Variants in ATP8B4 observed in about 807,000 individuals in gnomAD.
The protein encoded by ATP8B4 is probable phospholipid-transporting ATPase IM.
Under a neutral mutation model 145.6 loss-of-function variants are expected in ATP8B4, and 133 were observed. The observed-to-expected ratio is 0.91, with a 90% confidence interval of 0.79 to 1.05. The LOEUF is 1.05. ATP8B4 is among the 50% of genes least tolerant of loss of function. The pLI is 0.00. For missense variants in ATP8B4, 1,458 were observed against 1,425.2 expected (o/e 1.02, Z -0.37); for synonymous variants, 507 against 492.9 (o/e 1.03, Z -0.38).
intron 14 of ATP8B4, among the ~76,000 whole-genome samples, chr15:49,943,773 A>G (rs2042350943): frequency 1.3e-5 from 2 of 152,242 alleles, no homozygotes; most frequent in Admixed American, 6.5e-5. Context: ...ATAGCGTGAA[A>G]AAATATGAAA....
At chr15:49,994,425 CTATT>C (rs2047264253) in intron 9 of ATP8B4, among the ~76,000 whole-genome samples, 2 of 152,182 alleles carry the variant, frequency 1.3e-5, no homozygotes, top group South Asian at 4.2e-4. Flanking sequence ...GGATTTGTAA[CTATT>C]TATTTATTCA....
Position 50,087,015 on chromosome 15 carries a change from A to AT in ATP8B4, c.29-12831dup, listed in dbSNP as rs571317032. The stretch of plus-strand genomic sequence containing the variant: ...ATAATAAAATAATATAGAGATCTAT[A>AT]TTATTATATATAATAAAATAATATA... On this transcript the variant is annotated intron_variant, in intron 2 of 27. Coordinates refer to ENST00000284509, the MANE Select transcript of ATP8B4 (RefSeq NM_024837.4). 2.3e-3 allele frequency among the ~76,000 whole-genome samples: 214 copies of AT among 91,932 alleles called. 4 individuals carry two copies. The highest frequency in any genetic ancestry group is 0.028 in the Middle Eastern group (2 of 72). The allele number at this position is 91,932 out of a possible 152,430, so 60.3% of individuals were successfully genotyped here.
At chr15:50,086,908 AT>A (rs1195095097) in intron 2 of ATP8B4, among the ~76,000 whole-genome samples, 3 of 59,068 alleles carry the variant, frequency 5.1e-5, no homozygotes, top group Non-Finnish European at 9.5e-5. Flanking sequence ...AGAGATCTAT[AT>A]TATTATATAT....
At chr15:49,945,970 A>G (rs1386480540) in intron 14 of ATP8B4, among the ~76,000 whole-genome samples, 1 of 152,212 alleles carries the variant, frequency 6.6e-6, no homozygotes, top group African/African-American at 2.4e-5. Flanking sequence ...CATCACTTCT[A>G]CTAGATGTAA....
At chr15:49,943,212 C>A (rs141673069) in intron 14 of ATP8B4, among the ~76,000 whole-genome samples, 1 of 151,942 alleles carries the variant, frequency 6.6e-6, no homozygotes, top group Non-Finnish European at 1.5e-5. Context: ...GTGAAAAAAT[C>A]TTTATGGACT....
chr15:49,963,458 A>C (rs2044261583), intron 13 of ATP8B4, among the ~76,000 whole-genome samples: 1 of 152,224 alleles, frequency 6.6e-6, no homozygotes, highest in African/African-American at 2.4e-5. Context: ...AGATACACAC[A>C]CATACGTTCA....
intron 21 of ATP8B4, among the ~76,000 whole-genome samples, chr15:49,899,575 T>C (rs2037795292): frequency 6.6e-6 from 1 of 152,176 alleles, no homozygotes; most frequent in African/African-American, 2.4e-5. Flanking sequence ...TTTCAAATAT[T>C]ACCACTCTTT....
At chr15:50,040,309 C>T (rs2899447) in intron 5 of ATP8B4, among the ~76,000 whole-genome samples, 10,027 of 152,302 alleles carry the variant, frequency 0.066, 503 homozygotes, top group African/African-American at 0.14. Context: ...AAACAGGCCT[C>T]AACTACGTCT....
chr15:49,891,732 C>G (rs2036825882), intron 23 of ATP8B4, among the ~76,000 whole-genome samples: 1 of 152,154 alleles, frequency 6.6e-6, no homozygotes, highest in Non-Finnish European at 1.5e-5. Flanking sequence ...TTTGTTTTCT[C>G]TTCCCAAGAT....
intron 1 of ATP8B4, among the ~76,000 whole-genome samples, chr15:50,116,301 C>G (rs2057158589): frequency 6.6e-6 from 1 of 151,932 alleles, no homozygotes; most frequent in Non-Finnish European, 1.5e-5. Context: ...GGATGCAGAA[C>G]AAGGAGGAAT....
chr15:50,054,345 C>T (rs181627741), intron 3 of ATP8B4, among the ~76,000 whole-genome samples: 39 of 152,306 alleles, frequency 2.6e-4, no homozygotes, highest in African/African-American at 9.4e-4. Context: ...CAAATGCTCA[C>T]AACTTACTGG....
chr15:50,054,244 G>A (rs1340429975), intron 3 of ATP8B4, among the ~76,000 whole-genome samples: 16 of 152,176 alleles, frequency 1.1e-4, no homozygotes, highest in South Asian at 4.1e-4. Flanking sequence ...TACTCATAAC[G>A]GAGCACCCAC....
intron 2 of ATP8B4, among the ~76,000 whole-genome samples, chr15:50,090,650 T>C (rs1600318614): frequency 6.6e-6 from 1 of 152,222 alleles, no homozygotes; most frequent in East Asian, 1.9e-4. Context: ...GTTTCGTTTT[T>C]AAAAAAGTGA....
intron 2 of ATP8B4, among the ~76,000 whole-genome samples, chr15:50,081,100 G>A (rs375226775): frequency 7.1e-6 from 1 of 140,764 alleles, no homozygotes; most frequent in Non-Finnish European, 1.5e-5. Context: ...GGGACAGAGC[G>A]AGACTACGTC....
chr15:49,986,579 T>C (rs2046616676), intron 10 of ATP8B4, among the ~76,000 whole-genome samples: 1 of 152,220 alleles, frequency 6.6e-6, no homozygotes, highest in Non-Finnish European at 1.5e-5. Context: ...TTTAAGACTT[T>C]AATGAACACT....
intron 27 of ATP8B4, among the ~76,000 whole-genome samples, chr15:49,860,746 G>A (rs1215315888): frequency 1.3e-5 from 2 of 152,056 alleles, no homozygotes; most frequent in Non-Finnish European, 2.9e-5. Context: ...CAATGCATAT[G>A]AGCATACATT....
At chr15:50,094,456 C>G (rs2153658130) in intron 2 of ATP8B4, among the ~76,000 whole-genome samples, 1 of 151,632 alleles carries the variant, frequency 6.6e-6, no homozygotes, top group South Asian at 2.1e-4. Context: ...TGAGGCAAAT[C>G]CATATAGCAT....
intron 6 of ATP8B4, among the ~76,000 whole-genome samples, chr15:50,031,074 T>C (rs548580345): frequency 3.9e-5 from 6 of 152,200 alleles, no homozygotes; most frequent in Non-Finnish European, 8.8e-5. Context: ...GAAGGCAAAA[T>C]TGTTTTGAAG....
At chr15:49,950,041 G>A (rs997520814) in intron 14 of ATP8B4, among the ~76,000 whole-genome samples, 1 of 152,186 alleles carries the variant, frequency 6.6e-6, no homozygotes, top group Non-Finnish European at 1.5e-5. Context: ...GTTTTTTGAT[G>A]TGCTGGTGGA....
Sources: allele counts gnomAD v4.1 joint callset (sites outside exome capture counted in the v4.1 genomes callset), GRCh38; gene constraint gnomAD v4.1.1; transcripts MANE v1.5; gene names NCBI Gene and HGNC (gene_info 2026-07-23, HGNC 2026-07-21).